Variants in SLC44A1 observed in about 807,000 individuals in gnomAD.
The protein encoded by SLC44A1 is choline transporter-like protein 1.
Under a neutral mutation model 79.3 loss-of-function variants are expected in SLC44A1, and 26 were observed. The ratio of observed to expected loss-of-function variants is 0.33; its 90% CI spans 0.24 to 0.46. SLC44A1 has a LOEUF of 0.46. Ranked by LOEUF, SLC44A1 falls within the 20% of genes least tolerant of loss-of-function variation. The pLI is 1.00. For missense variants in SLC44A1, 688 were observed against 798.1 expected (o/e 0.86, Z 1.66); for synonymous variants, 263 against 286.2 (o/e 0.92, Z 0.82).
rs549171079 is a variant in SLC44A1, at chr9:105,389,098, A to T, written c.*42A>T. 9 of 1,611,008 alleles carry T rather than the reference A, an allele frequency of 5.6e-6. No homozygotes were observed. The highest frequency in any genetic ancestry group is 7.6e-6 in the Non-Finnish European group (9 of 1,177,644). ...TGGAAACCCATTGACATTCCAAAAC[A>T]ATATATACACATAACTATGTATTTG... On this transcript the variant is annotated 3_prime_UTR_variant, in exon 16 of 16. Coordinates refer to ENST00000374720, the MANE Select transcript of SLC44A1 (RefSeq NM_080546.5).
chr9:105,391,498 T>C lies in SLC44A1; in HGVS notation c.*2442T>C. On this transcript the variant is annotated 3_prime_UTR_variant, in exon 16 of 16. Coordinates refer to ENST00000374720, the MANE Select transcript of SLC44A1 (RefSeq NM_080546.5). ...TCCTTAAGTAAATTCATGTGCCGTG[T>C]AGAAATATGCAGATATGCATTACAC... The C allele has an allele frequency of 1.0e-6, 1 of 985,702 alleles. No homozygotes were observed. The highest frequency in any genetic ancestry group is 1.2e-6 in the Non-Finnish European group (1 of 829,848). The allele number at this position is 985,702 out of a possible 1,614,324, so 61.1% of individuals were successfully genotyped here.
chr9:105,346,791 A>AT (rs1319773425), intron 4 of SLC44A1, among the ~76,000 whole-genome samples: 1 of 152,164 alleles, frequency 6.6e-6, no homozygotes, highest in Non-Finnish European at 1.5e-5. Context: ...GTCAAGCACA[A>AT]TTTTTAAAAC....
At chr9:105,248,893 C>G (rs543354130) in intron 1 of SLC44A1, among the ~76,000 whole-genome samples, 1 of 152,330 alleles carries the variant, frequency 6.6e-6, no homozygotes, top group African/African-American at 2.4e-5. Flanking sequence ...GATTACTTAG[C>G]AAATTGCCGT....
chr9:105,260,529 A>C (rs1829814850), intron 1 of SLC44A1, among the ~76,000 whole-genome samples: 1 of 152,240 alleles, frequency 6.6e-6, no homozygotes, highest in Admixed American at 6.5e-5. Flanking sequence ...CTTTAAGTGC[A>C]TCACAAACTT....
intron 7 of SLC44A1, among the ~76,000 whole-genome samples, chr9:105,358,929 C>T (rs1034602724): frequency 1.3e-5 from 2 of 152,078 alleles, no homozygotes; most frequent in Non-Finnish European, 2.9e-5. Flanking sequence ...TTATTAAAGT[C>T]AGAAATAAGA....
chr9:105,345,985 T>G (rs1400548942), intron 4 of SLC44A1, among the ~76,000 whole-genome samples: 1 of 148,670 alleles, frequency 6.7e-6, no homozygotes, highest in Non-Finnish European at 1.5e-5. Flanking sequence ...TTTTTTATAC[T>G]TTCACTGAAA....
Position 105,291,509 on chromosome 9 carries a change from G to A in SLC44A1, c.37-7711G>A, listed in dbSNP as rs765814509. ...CTACAGCAGAGCTGCTGGAACTGTG[G>A]GATTGTTTTGGAGATGGTCGGCTAC... is the stretch of plus-strand genomic sequence containing the variant. On this transcript the variant is annotated intron_variant, in intron 1 of 15. Coordinates refer to ENST00000374720, the MANE Select transcript of SLC44A1 (RefSeq NM_080546.5). Among the ~76,000 whole-genome samples, 47 of 152,298 alleles carry A rather than the reference G, an allele frequency of 3.1e-4. 1 individual carries two copies. The Middle Eastern group carries it at 0.014, about 44-fold the overall frequency.
intron 15 of SLC44A1, among the ~76,000 whole-genome samples, chr9:105,419,599 G>A (rs1366199327): frequency 2.6e-5 from 4 of 152,106 alleles, no homozygotes; most frequent in Non-Finnish European, 5.9e-5. Flanking sequence ...CTTCTACCTA[G>A]TTCAGAAGTT....
rs577959638 is a variant in SLC44A1 at position 105,391,814 on chromosome 9, A to G, written c.*2758A>G. The stretch of plus-strand genomic sequence containing the variant: ...TGTGGATACCCGAATAATTTCATAA[A>G]TCATTGATTCTATGTGGTGGTTTTT... On this transcript the variant is annotated 3_prime_UTR_variant, in exon 16 of 16. Transcript: ENST00000374720. 6 of 985,180 alleles carry G rather than the reference A, an allele frequency of 6.1e-6. No homozygotes were observed. The highest frequency in any genetic ancestry group is 7.2e-6 in the Non-Finnish European group (6 of 829,844). 61.0% of individuals were successfully genotyped at this position (985,180 alleles called of 1,614,324 possible).
chr9:105,284,235 T>C (rs1830424515), intron 1 of SLC44A1, among the ~76,000 whole-genome samples: 1 of 151,696 alleles, frequency 6.6e-6, no homozygotes, highest in African/African-American at 2.4e-5. Flanking sequence ...AGTCTTTTTT[T>C]TTTTTTTTTT....
intron 8 of SLC44A1, 83 bp from the exon 9 acceptor site, chr9:105,362,738 A>T: frequency 1.0e-6 from 1 of 1,003,786 alleles, no homozygotes; most frequent in Non-Finnish European, 1.4e-6. Context: ...TTGGGGCTGA[A>T]GGGTTATGTT....
At chr9:105,402,647 A>G (rs1383625289) in intron 15 of SLC44A1, among the ~76,000 whole-genome samples, 2 of 150,302 alleles carry the variant, frequency 1.3e-5, no homozygotes, top group South Asian at 4.3e-4. Context: ...TCAGCTCCCC[A>G]CATAACAAAG....
intron 1 of SLC44A1, among the ~76,000 whole-genome samples, chr9:105,266,881 A>G (rs1588714151): frequency 6.6e-6 from 1 of 152,210 alleles, no homozygotes; most frequent in Non-Finnish European, 1.5e-5. Flanking sequence ...ATTGAAATGC[A>G]TGGATCCATT....
intron 1 of SLC44A1, among the ~76,000 whole-genome samples, chr9:105,265,137 G>T (rs1180266248): frequency 2.0e-5 from 3 of 152,140 alleles, no homozygotes; most frequent in Admixed American, 6.5e-5. Flanking sequence ...TGGATCCCAT[G>T]TGCTTTTTTA....
intron 15 of SLC44A1, among the ~76,000 whole-genome samples, chr9:105,436,046 A>G (rs548991494): frequency 1.3e-5 from 2 of 152,230 alleles, no homozygotes; most frequent in South Asian, 2.1e-4. Flanking sequence ...GAAAATACAA[A>G]AATTGGCCTG....
In SLC44A1 at chr9:105,324,107, T is replaced by G. The variant is rs143424205; in HGVS notation, c.270-11456T>G. 2.6e-3 allele frequency among the ~76,000 whole-genome samples: 402 copies of G among 152,208 alleles called. 3 individuals carry two copies. Among genetic ancestry groups the G allele is most frequent in the African/African-American group, 9.2e-3 (384 of 41,546 alleles). Reference sequence around the variant, plus strand: ...AGCTCCACCTCCCGGATTCACGCCATTCTCCTGCCTCAGCCTCCCGAGTAG... The same window carrying G: ...AGCTCCACCTCCCGGATTCACGCCAGTCTCCTGCCTCAGCCTCCCGAGTAG... On this transcript the variant is annotated intron_variant, in intron 3 of 15. Transcript: ENST00000374720.
intron 1 of SLC44A1, among the ~76,000 whole-genome samples, chr9:105,251,443 A>G (rs911966378): frequency 2.6e-5 from 4 of 152,040 alleles, no homozygotes; most frequent in Non-Finnish European, 5.9e-5. Flanking sequence ...GCTCCCTTCT[A>G]ATTTTTCTTC....
At position 105,391,380 on chromosome 9, in the gene SLC44A1, C is replaced by T. The variant is rs779267098; in HGVS notation, c.*2324C>T. On this transcript the variant is annotated 3_prime_UTR_variant, in exon 16 of 16. Coordinates refer to ENST00000374720, the MANE Select transcript of SLC44A1 (RefSeq NM_080546.5). ...ATTTTATATAACAGGTCCTGTTTTA[C>T]AAATAAATTTTGTTTTACTAACATT... The T allele has an allele frequency of 3.3e-5, 32 of 983,490 alleles. No homozygotes were observed. The highest frequency in any genetic ancestry group is 3.9e-5 in the Non-Finnish European group (32 of 827,904). 60.9% of individuals were successfully genotyped at this position (983,490 alleles called of 1,614,324 possible).
In SLC44A1 at chr9:105,361,163, C is replaced by T. The variant is rs960310761; in HGVS notation, c.761-28C>T. 1.2e-5 allele frequency: 19 copies of T among 1,608,168 alleles called. No homozygotes were observed. The African/African-American group carries it at 2.5e-4, about 22-fold the overall frequency. On this transcript the variant is annotated intron_variant, in intron 7 of 15. Transcript: ENST00000374720. ...ACACATTTTCTTATCCTAATTATTG[C>T]ATTAACAGTTGGGTCTTTTGTCTCC...
Sources: gnomAD v4.1 joint callset for allele counts (sites outside exome capture counted in the v4.1 genomes callset) on GRCh38, gnomAD v4.1.1 for gene constraint, MANE v1.5 for transcripts, NCBI Gene and HGNC (gene_info 2026-07-23, HGNC 2026-07-21) for gene names.